The following POU2F1 variants were observed in gnomAD, a reference collection of about 807,000 sequenced individuals.
The protein encoded by POU2F1 is POU class 2 homeobox 1, also known as POU domain, class 2, transcription factor 1.
In POU2F1, 16 loss-of-function variants were observed where a neutral mutation model predicts 84.9. The ratio of observed to expected loss-of-function variants is 0.19; its 90% CI spans 0.13 to 0.29. The LOEUF (loss-of-function observed/expected upper bound fraction) is 0.29, where lower values mean the gene tolerates loss of function less well. Ranked by LOEUF, POU2F1 falls within the 10% of genes least tolerant of loss-of-function variation. The probability of loss-of-function intolerance (pLI) is 1.00; values close to 1 mark genes in which losing one functional copy is unlikely to be tolerated. For synonymous variants in POU2F1, 368 were observed against 368.3 expected, an observed-to-expected ratio of 1.00 and a Z score of 0.01; for missense variants, 738 against 942.6, an observed-to-expected ratio of 0.78 and a Z score of 2.84.
Position 167,419,931 on chromosome 1 carries a change from A to T in POU2F1, c.*4121A>T, listed in dbSNP as rs1571485112. ...TGAGATCATCTTGCCAATTTGTTGT[A>T]CATCTCTCATTCATTGTTGGGGGAA... On this transcript the variant is annotated 3_prime_UTR_variant, in exon 16 of 16. Transcript: ENST00000367866. 2 of 152,270 alleles carry T rather than the reference A, an allele frequency of 1.3e-5. No individual in the cohort carries two copies. The highest frequency in any genetic ancestry group is 6.8e-3 in the Middle Eastern group (2 of 294). The allele number at this position is 152,270 out of a possible 1,614,324, so 9.4% of individuals were successfully genotyped here.
intron 1 of POU2F1, among the ~76,000 whole-genome samples, chr1:167,227,646 C>T (rs1290891689): frequency 1.3e-5 from 2 of 152,110 alleles, no homozygotes; most frequent in African/African-American, 4.8e-5. Context: ...TAGTTACCAT[C>T]CTAGTCTATA....
rs553772335 is a variant in POU2F1 at position 167,419,833 on chromosome 1, T to C, written c.*4023T>C. On this transcript the variant is annotated 3_prime_UTR_variant, in exon 16 of 16. Transcript: ENST00000367866. ...TTTTGTGTAGAATCATACCTACTTATACTTAATGCTAGCACTGTAAGAAAT... is the reference window on the plus strand; with the variant it reads ...TTTTGTGTAGAATCATACCTACTTACACTTAATGCTAGCACTGTAAGAAAT... The C allele has an allele frequency of 1.3e-5, 2 of 152,352 alleles. No individual in the cohort carries two copies. Among genetic ancestry groups the C allele is most frequent in the African/African-American group, 4.8e-5 (2 of 41,590 alleles). The allele number at this position is 152,352 out of a possible 1,614,324, so 9.4% of individuals were successfully genotyped here.
At chr1:167,220,991 C>T (rs1252836720) in intron 1 of POU2F1, 33 bp downstream of exon 1, 22 of 1,515,706 alleles carry the variant, frequency 1.5e-5, no homozygotes, top group Middle Eastern at 1.9e-4. Context: ...TATTCATATT[C>T]ATACTCAACC....
intron 1 of POU2F1, among the ~76,000 whole-genome samples, chr1:167,260,089 A>G (rs1651442948): frequency 6.6e-6 from 1 of 152,168 alleles, no homozygotes; most frequent in South Asian, 2.1e-4. Flanking sequence ...TGTGTTAGCC[A>G]GGATGGTCTC....
At chr1:167,402,631 G>A (rs927502215) in intron 13 of POU2F1, among the ~76,000 whole-genome samples, 1 of 152,286 alleles carries the variant, frequency 6.6e-6, no homozygotes, top group East Asian at 1.9e-4. Flanking sequence ...ATAAATGACA[G>A]CTCCCATCAA....
intron 1 of POU2F1, among the ~76,000 whole-genome samples, chr1:167,247,174 T>C (rs1362172784): frequency 6.6e-6 from 1 of 151,942 alleles, no homozygotes; most frequent in Non-Finnish European, 1.5e-5. Context: ...CTTCTGGGCT[T>C]AAGTGATGTA....
chr1:167,302,664 A>G (rs1454913919), intron 1 of POU2F1, among the ~76,000 whole-genome samples: 1 of 152,242 alleles, frequency 6.6e-6, no homozygotes, highest in Non-Finnish European at 1.5e-5. Context: ...AATGTACAGA[A>G]AAAAGTTATG....
chr1:167,378,031 A>G (rs547002923), intron 7 of POU2F1, among the ~76,000 whole-genome samples: 55 of 152,232 alleles, frequency 3.6e-4, no homozygotes, highest in African/African-American at 1.3e-3. Flanking sequence ...ATGTGTCTTT[A>G]TGGCAGAAAA....
rs541075480 is a variant in POU2F1 at position 167,403,582 on chromosome 1, T to G, written c.1555+2026T>G. On this transcript the variant is annotated intron_variant, in intron 13 of 15. Transcript: ENST00000367866. ...TTTCCTCTGATATTTTTATACTGCC[T>G]TCTTTTTTTCTCTGTTGAGAAAAGT... 1.2e-4 allele frequency among the ~76,000 whole-genome samples: 19 copies of G among 152,360 alleles called. No homozygotes were observed. The South Asian group carries it at 3.1e-3, about 25-fold the overall frequency.
chr1:167,328,586 T>A (rs189746323), intron 1 of POU2F1, among the ~76,000 whole-genome samples: 2 of 152,292 alleles, frequency 1.3e-5, no homozygotes, highest in Non-Finnish European at 2.9e-5. Flanking sequence ...TGTTTCTAAT[T>A]TGTACGTGTC....
intron 2 of POU2F1, among the ~76,000 whole-genome samples, chr1:167,334,319 C>T (rs775429073): frequency 8.6e-5 from 13 of 151,946 alleles, no homozygotes; most frequent in Admixed American, 2.6e-4. Flanking sequence ...AGCCACCATG[C>T]CCAGCTAATT....
At chr1:167,404,153 G>A (rs1649394936) in intron 13 of POU2F1, among the ~76,000 whole-genome samples, 1 of 150,920 alleles carries the variant, frequency 6.6e-6, no homozygotes, top group African/African-American at 2.4e-5. Flanking sequence ...GTGAATTAAT[G>A]TATTTCTTGC....
intron 1 of POU2F1, among the ~76,000 whole-genome samples, chr1:167,237,766 AT>A (rs774968194): frequency 0.022 from 1,245 of 57,888 alleles, 91 homozygotes; most frequent in East Asian, 0.075. Context: ...ATATATATAT[AT>A]ATATATTTTT....
chr1:167,265,808 A>G (rs527361674), intron 1 of POU2F1, among the ~76,000 whole-genome samples: 1 of 152,214 alleles, frequency 6.6e-6, no homozygotes, highest in Admixed American at 6.5e-5. Context: ...AACATCCTGC[A>G]ATGCACAAAG....
At chr1:167,223,490 G>A (rs1436733089) in intron 1 of POU2F1, among the ~76,000 whole-genome samples, 1 of 152,106 alleles carries the variant, frequency 6.6e-6, no homozygotes, top group South Asian at 2.1e-4. Flanking sequence ...GATGTTTACC[G>A]CTGCGTAGTC....
rs1557976890 is a variant in POU2F1 at position 167,418,890 on chromosome 1, G to GA, written c.*3084dup. On this transcript the variant is annotated 3_prime_UTR_variant, in exon 16 of 16. Coordinates refer to ENST00000367866, the MANE Select transcript of POU2F1 (RefSeq NM_002697.4). ...GTTTAAAAGAAGAAATAATCTTTAG[G>GA]AAAAGATAAATCTTTAGATAAAAAT... is the stretch of plus-strand genomic sequence containing the variant. 2 of 151,916 alleles carry GA rather than the reference G, an allele frequency of 1.3e-5. No individual in the cohort carries two copies. The highest frequency in any genetic ancestry group is 4.8e-5 in the African/African-American group (2 of 41,356). 9.4% of individuals were successfully genotyped at this position (151,916 alleles called of 1,614,324 possible).
intron 9 of POU2F1, among the ~76,000 whole-genome samples, chr1:167,391,559 CTTTTTTTTTTTTT>C (rs1175783404): frequency 3.5e-5 from 2 of 57,876 alleles, no homozygotes; most frequent in Non-Finnish European, 6.0e-5. Flanking sequence ...TTATATATAT[CTTTTTTTTTTTTT>C]TTTTTTTTTT....
At chr1:167,236,285 TAG>T (rs1649448667) in intron 1 of POU2F1, among the ~76,000 whole-genome samples, 1 of 152,028 alleles carries the variant, frequency 6.6e-6, no homozygotes, top group Non-Finnish European at 1.5e-5. Flanking sequence ...GTATTTTTAG[TAG>T]AGATGGAGTT....
At chr1:167,402,477 A>G (rs538182297) in intron 13 of POU2F1, among the ~76,000 whole-genome samples, 1 of 152,286 alleles carries the variant, frequency 6.6e-6, no homozygotes, top group African/African-American at 2.4e-5. Context: ...TCTGCATCCA[A>G]TCATCCATTA....
Sources: gnomAD v4.1 joint callset for allele counts (sites outside exome capture counted in the v4.1 genomes callset) on GRCh38, gnomAD v4.1.1 for gene constraint, MANE v1.5 for transcripts, NCBI Gene and HGNC (gene_info 2026-07-23, HGNC 2026-07-21) for gene names.